Variants in REC114 observed in about 807,000 individuals in gnomAD.
REC114 encodes REC114 meiotic recombination protein, also known as meiotic recombination protein REC114.
A neutral mutation model predicts 31.3 loss-of-function variants in REC114; 27 were observed. The ratio of observed to expected loss-of-function variants is 0.86; its 90% CI spans 0.64 to 1.19. The LOEUF is 1.19. REC114 is among the 50% of genes most tolerant of loss of function. REC114 has a pLI of 0.00. For missense variants in REC114, 344 were observed against 326.9 expected (o/e 1.05, Z -0.40); for synonymous variants, 134 against 127.7 (o/e 1.05, Z -0.33).
chr15:73,481,449 T>C (rs1893292087), intron 2 of REC114, among the ~76,000 whole-genome samples: 1 of 152,194 alleles, frequency 6.6e-6, no homozygotes, highest in East Asian at 1.9e-4. Context: ...TATTGTCATT[T>C]ATGTCAAAGG....
intron 3 of REC114, among the ~76,000 whole-genome samples, chr15:73,548,633 G>C (rs1466877431): frequency 6.6e-6 from 1 of 152,174 alleles, no homozygotes; most frequent in Non-Finnish European, 1.5e-5. Flanking sequence ...GTGGAAGACA[G>C]TGTGGCAATT....
chr15:73,471,902 C>A (rs1893138360), intron 1 of REC114, among the ~76,000 whole-genome samples: 2 of 151,990 alleles, frequency 1.3e-5, no homozygotes, highest in Non-Finnish European at 1.5e-5. Flanking sequence ...TGATTCCACT[C>A]ATATAATTAA....
chr15:73,446,219 T>C (rs868663614), intron 1 of REC114, among the ~76,000 whole-genome samples: 6 of 152,230 alleles, frequency 3.9e-5, no homozygotes, highest in African/African-American at 1.4e-4. Flanking sequence ...TTTGTCTGGT[T>C]TGACTATTGG....
intron 3 of REC114, among the ~76,000 whole-genome samples, chr15:73,545,314 T>C (rs1318621664): frequency 6.6e-6 from 1 of 152,218 alleles, no homozygotes; most frequent in East Asian, 1.9e-4. Flanking sequence ...GTTGGTATAC[T>C]TGAGAACTTT....
At chr15:73,500,352 C>CAAAA (rs34228065) in intron 2 of REC114, among the ~76,000 whole-genome samples, 11 of 137,970 alleles carry the variant, frequency 8.0e-5, no homozygotes, top group African/African-American at 8.4e-5. Context: ...ACAGAAATAG[C>CAAAA]AAAAAAAAAA....
chr15:73,524,339 G>A (rs1448551968), intron 2 of REC114, among the ~76,000 whole-genome samples: 1 of 152,164 alleles, frequency 6.6e-6, no homozygotes, highest in Non-Finnish European at 1.5e-5. Context: ...TTTAAGAAAG[G>A]ATGAGACAAT....
chr15:73,489,200 C>CTTTT (rs60331328), intron 2 of REC114, among the ~76,000 whole-genome samples: 13 of 126,256 alleles, frequency 1.0e-4, no homozygotes, highest in Non-Finnish European at 1.6e-4. Context: ...CCTCCCCCAC[C>CTTTT]TTTTTTTTTT....
chr15:73,555,884 G>A (rs368067543), intron 4 of REC114, among the ~76,000 whole-genome samples: 6 of 152,258 alleles, frequency 3.9e-5, no homozygotes, highest in Admixed American at 6.5e-5. Flanking sequence ...TATTACTTGA[G>A]CAATAATTTT....
At chr15:73,443,549 C>T (rs529196474) in intron 1 of REC114, among the ~76,000 whole-genome samples, 3 of 152,200 alleles carry the variant, frequency 2.0e-5, no homozygotes, top group Non-Finnish European at 4.4e-5. Flanking sequence ...CCTTTACAGT[C>T]TCAAAATAAT....
rs1380622069 is a variant in REC114, at chr15:73,483,277, CT to C, written c.249+9357del. The C allele has an allele frequency of 2.6e-3, 410 of 156,624 alleles. 2 individuals carry two copies. The highest frequency in any genetic ancestry group is 9.5e-3 in the African/African-American group (395 of 41,628). The allele number at this position is 156,624 out of a possible 1,614,324, so 9.7% of individuals were successfully genotyped here. ...GTCATGTTTTGAGCTGCCGCTGCTG[CT>C]GCTGCTGCTGCTGCAACTTTTAAAG... On this transcript the variant is annotated intron_variant, in intron 2 of 5. Coordinates refer to ENST00000331090, the MANE Select transcript of REC114 (RefSeq NM_001042367.2).
At chr15:73,503,331 A>C (rs1171638928) in intron 2 of REC114, among the ~76,000 whole-genome samples, 1 of 152,206 alleles carries the variant, frequency 6.6e-6, no homozygotes, top group African/African-American at 2.4e-5. Flanking sequence ...TATACTAAAA[A>C]GGGTGAGTTT....
chr15:73,548,860 AC>A (rs1894349180), intron 3 of REC114, among the ~76,000 whole-genome samples: 1 of 152,246 alleles, frequency 6.6e-6, no homozygotes, highest in Admixed American at 6.5e-5. Flanking sequence ...AGCCATAAAA[AC>A]ATGAAATATT....
chr15:73,473,995 C>T (rs878879724), intron 2 of REC114, 74 bp downstream of exon 2: 2 of 940,262 alleles, frequency 2.1e-6, no homozygotes, highest in South Asian at 3.0e-5. Flanking sequence ...TTTTTGTATC[C>T]TCAAGCTTCT....
chr15:73,469,403 A>T (rs1046403849), intron 1 of REC114, among the ~76,000 whole-genome samples: 2 of 152,124 alleles, frequency 1.3e-5, no homozygotes, highest in South Asian at 2.1e-4. Flanking sequence ...AAACCACTCC[A>T]GTTTTTATTT....
At chr15:73,502,458 T>C (rs1421092852) in intron 2 of REC114, among the ~76,000 whole-genome samples, 1 of 152,184 alleles carries the variant, frequency 6.6e-6, no homozygotes, top group Non-Finnish European at 1.5e-5. Context: ...TTAACACATA[T>C]TTTCTATGTT....
At chr15:73,493,076 G>A (rs2141303845) in intron 2 of REC114, among the ~76,000 whole-genome samples, 1 of 151,762 alleles carries the variant, frequency 6.6e-6, no homozygotes, top group Non-Finnish European at 1.5e-5. Context: ...GAGTGCAGTG[G>A]TGTGATCACT....
At chr15:73,458,137 T>A (rs1376130717) in intron 1 of REC114, among the ~76,000 whole-genome samples, 1 of 152,048 alleles carries the variant, frequency 6.6e-6, no homozygotes, top group Non-Finnish European at 1.5e-5. Flanking sequence ...GAAGAAAGGG[T>A]GGTAGGGAAG....
chr15:73,472,735 TTTAA>T (rs1893149641), intron 1 of REC114, among the ~76,000 whole-genome samples: 1 of 152,158 alleles, frequency 6.6e-6, no homozygotes, highest in Non-Finnish European at 1.5e-5. Context: ...GACATTTTGA[TTTAA>T]TTTCTTCGGT....
intron 2 of REC114, among the ~76,000 whole-genome samples, chr15:73,537,466 C>T (rs1894171645): frequency 6.6e-6 from 1 of 151,452 alleles, no homozygotes; most frequent in Admixed American, 6.6e-5. Flanking sequence ...TCCTTGAGTT[C>T]ATGCCATATT....
Sources: allele counts gnomAD v4.1 joint callset (sites outside exome capture counted in the v4.1 genomes callset), GRCh38; gene constraint gnomAD v4.1.1; transcripts MANE v1.5; gene names NCBI Gene and HGNC (gene_info 2026-07-23, HGNC 2026-07-21).